Variants in PRUNE2 observed in about 807,000 individuals in gnomAD.
PRUNE2 encodes protein prune homolog 2.
A neutral mutation model predicts 252.0 loss-of-function variants in PRUNE2; 164 were observed. That is an observed-to-expected ratio of 0.65 (90% CI 0.57 to 0.74). The LOEUF (loss-of-function observed/expected upper bound fraction) is 0.74. Ranked by LOEUF, PRUNE2 falls within the 30% of genes least tolerant of loss-of-function variation. The pLI is 0.00. For missense variants in PRUNE2, 3,495 were observed against 3,711.0 expected (o/e 0.94, Z 1.51); for synonymous variants, 1,292 against 1,350.2 (o/e 0.96, Z 0.94).
chr9:76,677,650 G>A (rs932878796), intron 9 of PRUNE2, among the ~76,000 whole-genome samples: 2 of 152,174 alleles, frequency 1.3e-5, no homozygotes, highest in Non-Finnish European at 2.9e-5. Flanking sequence ...CCTTCCTGAT[G>A]GGTCCATTGT....
chr9:76,814,649 A>T (rs182525561), intron 6 of PRUNE2, among the ~76,000 whole-genome samples: 2 of 152,264 alleles, frequency 1.3e-5, no homozygotes, highest in East Asian at 3.9e-4. Flanking sequence ...TTGCATCAAG[A>T]TCCCAGGAAT....
At chr9:76,731,245 TAC>T (rs921317950) in intron 6 of PRUNE2, among the ~76,000 whole-genome samples, 30 of 149,864 alleles carry the variant, frequency 2.0e-4, no homozygotes, top group Non-Finnish European at 3.7e-4. Context: ...AACACACACA[TAC>T]ACACACACAC....
At chr9:76,866,660 T>C (rs1408994690) in intron 1 of PRUNE2, among the ~76,000 whole-genome samples, 1 of 151,612 alleles carries the variant, frequency 6.6e-6, no homozygotes, top group Non-Finnish European at 1.5e-5. Context: ...GACGTATGTT[T>C]GAAAACTTAA....
chr9:76,877,215 A>G (rs1399831884), intron 1 of PRUNE2, among the ~76,000 whole-genome samples: 3 of 152,032 alleles, frequency 2.0e-5, no homozygotes, highest in Non-Finnish European at 2.9e-5. Context: ...TTAAAAAAAA[A>G]AAATTCAGAC....
At chr9:76,637,960 G>A (rs546172083) in intron 13 of PRUNE2, among the ~76,000 whole-genome samples, 7 of 152,300 alleles carry the variant, frequency 4.6e-5, no homozygotes, top group South Asian at 2.1e-4. Context: ...ATTTTAAAAT[G>A]CAAGCAAAAT....
intron 6 of PRUNE2, among the ~76,000 whole-genome samples, chr9:76,744,703 A>C (rs2049949183): frequency 6.6e-6 from 1 of 151,652 alleles, no homozygotes. Context: ...TCCTACCCCT[A>C]CTCTGAGCCC....
At chr9:76,905,207 G>A (rs544902519) in intron 1 of PRUNE2, among the ~76,000 whole-genome samples, 2 of 152,270 alleles carry the variant, frequency 1.3e-5, no homozygotes, top group African/African-American at 4.8e-5. Flanking sequence ...TTCAGAATGT[G>A]TAGCAACTGT....
intron 6 of PRUNE2, among the ~76,000 whole-genome samples, chr9:76,804,710 A>G (rs1461416535): frequency 6.6e-6 from 1 of 152,126 alleles, no homozygotes; most frequent in African/African-American, 2.4e-5. Flanking sequence ...GGAGAAAGAG[A>G]GTGGGGGCAG....
In PRUNE2 at chr9:76,711,313, C is replaced by T; in HGVS notation, c.961G>A (p.Glu321Lys). Residue 321 changes from glutamate (E) to lysine (K), a missense_variant, in exon 8 of 19, where the codon GAG (glutamate) becomes AAG (lysine). Physicochemically the swap from Glu to Lys is moderately conservative, Grantham distance 56 (BLOSUM62 1). Transcript: ENST00000376718. Reference protein sequence around the residue: ...EECQNPCLELEPFDCGCDEIL... With the variant: ...EECQNPCLELKPFDCGCDEIL... ...TCATCACAGCCACAGTCAAAGGGCT[C>T]CAGTTCTAGGCAAGGGTTCTGACAC... 6.2e-7 allele frequency: 1 copy of T among 1,613,588 alleles called. No individual in the cohort carries two copies. Among genetic ancestry groups the T allele is most frequent in the South Asian group, 1.1e-5 (1 of 91,006 alleles).
chr9:76,653,856 T>G (rs1848318635), intron 10 of PRUNE2, among the ~76,000 whole-genome samples: 1 of 152,070 alleles, frequency 6.6e-6, no homozygotes, highest in Non-Finnish European at 1.5e-5. Flanking sequence ...CTCCTCTCAT[T>G]GTAGTATGCA....
chr9:76,905,912 T>A lies in PRUNE2; in HGVS notation c.36+16A>T. ...ACGCGCGCGCGCACACACACAGCTT[T>A]GCTCACTCAACTTACCAGTTTAGAT... On this transcript the variant is annotated intron_variant, in intron 1 of 18. Transcript: ENST00000376718. 6.2e-7 allele frequency: 1 copy of A among 1,614,190 alleles called. No individual in the cohort carries two copies. The highest frequency in any genetic ancestry group is 8.5e-7 in the Non-Finnish European group (1 of 1,180,016).
chr9:76,903,483 T>C (rs2133775397), intron 1 of PRUNE2, among the ~76,000 whole-genome samples: 1 of 152,304 alleles, frequency 6.6e-6, no homozygotes, highest in Non-Finnish European at 1.5e-5. Flanking sequence ...TACATTCTAA[T>C]TCTGGTCTAA....
chr9:76,890,417 T>C (rs2062398640), intron 1 of PRUNE2, among the ~76,000 whole-genome samples: 1 of 152,354 alleles, frequency 6.6e-6, no homozygotes, highest in Non-Finnish European at 1.5e-5. Flanking sequence ...CTAGCTTAAT[T>C]TGACTGCTCT....
chr9:76,806,248 A>G (rs1478882857), intron 6 of PRUNE2, among the ~76,000 whole-genome samples: 2 of 152,180 alleles, frequency 1.3e-5, no homozygotes, highest in African/African-American at 4.8e-5. Context: ...AGCCCTCCAG[A>G]TGACTCCTAT....
At chr9:76,729,224 G>A (rs1303502195) in intron 6 of PRUNE2, among the ~76,000 whole-genome samples, 1 of 152,152 alleles carries the variant, frequency 6.6e-6, no homozygotes, top group African/African-American at 2.4e-5. Context: ...CTAAGTCAAT[G>A]ATCCTCAAAC....
intron 1 of PRUNE2, among the ~76,000 whole-genome samples, chr9:76,858,169 C>T (rs902838545): frequency 6.6e-6 from 1 of 152,188 alleles, no homozygotes; most frequent in Non-Finnish European, 1.5e-5. Flanking sequence ...TCTGCTTGTG[C>T]CAGGCACTGT....
At chr9:76,737,088 C>T (rs1213117906) in intron 6 of PRUNE2, 1 of 152,190 alleles carries the variant, frequency 6.6e-6, no homozygotes, top group Non-Finnish European at 1.5e-5. Flanking sequence ...AAGTTCTTTT[C>T]GTGTGTAGCT....
Position 76,703,974 on chromosome 9 carries a change from G to A in PRUNE2, c.7639C>T (p.His2547Tyr). The A allele has an allele frequency of 3.7e-6, 6 of 1,613,904 alleles. No homozygotes were observed. Among genetic ancestry groups the A allele is most frequent in the Non-Finnish European group, 5.1e-6 (6 of 1,179,852 alleles). ...TEKNEDRHAL[H>Y]MDYILVNREE... is the part of the protein sequence containing the mutation. The stretch of plus-strand genomic sequence containing the variant: ...CGGTTTACAAGTATGTAATCCATGT[G>A]TAGTGCATGACGATCTTCATTCTTC... The change falls in exon 9 of 19, where the codon CAC (histidine) becomes TAC (tyrosine). Residue 2547 changes from histidine to tyrosine, a missense_variant. His to Tyr is a moderately conservative substitution (Grantham distance 83, BLOSUM62 2). Transcript: ENST00000376718.
chr9:76,751,172 C>A (rs1054054183), intron 6 of PRUNE2, among the ~76,000 whole-genome samples: 1 of 152,258 alleles, frequency 6.6e-6, no homozygotes, highest in African/African-American at 2.4e-5. Context: ...GCTAAGCAGT[C>A]TGGATGTAAA....
Sources: allele counts gnomAD v4.1 joint callset (sites outside exome capture counted in the v4.1 genomes callset), GRCh38; gene constraint gnomAD v4.1.1; transcripts MANE v1.5; gene names NCBI Gene and HGNC (gene_info 2026-07-23, HGNC 2026-07-21).